NDUFAF7: variants seen among roughly 807,000 people sequenced by gnomAD.
NDUFAF7 encodes NADH:ubiquinone oxidoreductase complex assembly factor 7, also known as protein arginine methyltransferase NDUFAF7, mitochondrial.
NDUFAF7 carries 48 observed loss-of-function variants against 47.2 expected under a neutral mutation model. The ratio of observed to expected loss-of-function variants is 1.02; its 90% CI spans 0.81 to 1.29. The LOEUF is 1.29. Among genes scored for constraint, NDUFAF7 ranks in the 50% most tolerant of loss-of-function variants. The pLI is 0.00. For synonymous variants in NDUFAF7, 217 were observed against 190.0 expected (o/e 1.14, Z -1.17); for missense variants, 635 against 537.6 (o/e 1.18, Z -1.79).
intron 3 of NDUFAF7, among the ~76,000 whole-genome samples, chr2:37,236,606 C>G (rs1296889983): frequency 6.6e-6 from 1 of 151,726 alleles, no homozygotes; most frequent in Non-Finnish European, 1.5e-5. Flanking sequence ...GAAACGCAGT[C>G]TCTACTAAAA....
chr2:37,236,053 T>A (rs1044983474), intron 2 of NDUFAF7, 43 bp from the exon 3 acceptor site: 19 of 1,486,776 alleles, frequency 1.3e-5, no homozygotes, highest in Non-Finnish European at 1.7e-5. Context: ...AAAAGGCTTA[T>A]TTGAAAATTA....
intron 8 of NDUFAF7, among the ~76,000 whole-genome samples, chr2:37,247,121 T>C (rs982532185): frequency 5.7e-5 from 8 of 140,394 alleles, no homozygotes; most frequent in Non-Finnish European, 7.4e-5. Flanking sequence ...TGTTTAGCTC[T>C]AAGTGAGATG....
intron 7 of NDUFAF7, among the ~76,000 whole-genome samples, chr2:37,245,510 A>C (rs1375866674): frequency 6.6e-6 from 1 of 152,204 alleles, no homozygotes; most frequent in Admixed American, 6.5e-5. Flanking sequence ...GCACTAGTTT[A>C]TAAGCCAGCG....
At chr2:37,242,430 T>A (rs1205504093) in intron 5 of NDUFAF7, 1 of 454,956 alleles carries the variant, frequency 2.2e-6, no homozygotes, top group Non-Finnish European at 4.0e-6. Context: ...TTCAGGTATT[T>A]CCATTTTCTG....
rs753133180 is a variant in NDUFAF7 at position 37,248,397 on chromosome 2, A to G, written c.*47A>G. The stretch of plus-strand genomic sequence containing the variant: ...CCCTTCAGTCGGCCCAAGAAATCAA[A>G]ATAAAGGAAACACATTTCATATACT... On this transcript the variant is annotated 3_prime_UTR_variant, in exon 10 of 10. Coordinates refer to ENST00000002125, the MANE Select transcript of NDUFAF7 (RefSeq NM_144736.5). 1.3e-6 allele frequency: 2 copies of G among 1,545,928 alleles called. No homozygotes were observed. Among genetic ancestry groups the G allele is most frequent in the Admixed American group, 1.7e-5 (1 of 59,892 alleles).
intron 1 of NDUFAF7, 44 bp downstream of exon 1, chr2:37,231,804 G>T (rs781185294): frequency 1.2e-6 from 2 of 1,612,832 alleles, no homozygotes; most frequent in Non-Finnish European, 1.7e-6. Context: ...TGGAAGCCGC[G>T]TGGGGCGCCT....
chr2:37,266,253 C>T, the NDUFAF7 span, among the ~76,000 whole-genome samples: 1 of 152,172 alleles, frequency 6.6e-6, no homozygotes, highest in Non-Finnish European at 1.5e-5. Context: ...TTACCTTCTT[C>T]AAGGAAACTC....
downstream of NDUFAF7, chr2:37,253,086 C>G (rs553375427): frequency 7.8e-7 from 1 of 1,286,032 alleles, no homozygotes; most frequent in African/African-American, 1.5e-5. Flanking sequence ...ATCTTTGCAG[C>G]ACTGCAGATG....
At chr2:37,256,578 A>AGAC (rs2148481042), downstream of NDUFAF7, 1 of 1,395,160 alleles carries the variant, frequency 7.2e-7, no homozygotes, top group East Asian at 2.5e-5. Context: ...TGCAAGAGAC[A>AGAC]GACTGATTTG....
the NDUFAF7 span, among the ~76,000 whole-genome samples, chr2:37,270,576 C>G: frequency 6.6e-6 from 1 of 152,156 alleles, no homozygotes; most frequent in South Asian, 2.1e-4. Flanking sequence ...ACTGTCAAAA[C>G]TGCATTACAG....
chr2:37,242,987 C>T (rs1666509714), intron 6 of NDUFAF7, among the ~76,000 whole-genome samples: 1 of 149,530 alleles, frequency 6.7e-6, no homozygotes, highest in East Asian at 1.9e-4. Flanking sequence ...TTTACTTAAG[C>T]AAAAAAAAAA....
chr2:37,239,961 C>G (rs13429526), intron 4 of NDUFAF7, among the ~76,000 whole-genome samples: 17,025 of 152,124 alleles, frequency 0.11, 1,350 homozygotes, highest in East Asian at 0.34. Flanking sequence ...GATATTCTCT[C>G]TTGTATCATT....
At chr2:37,243,014 A>G (rs1042747925) in intron 6 of NDUFAF7, among the ~76,000 whole-genome samples, 19 of 152,310 alleles carry the variant, frequency 1.2e-4, no homozygotes, top group Admixed American at 5.9e-4. Context: ...TTTTTAAGAG[A>G]TAGGGTATTG....
intron 4 of NDUFAF7, among the ~76,000 whole-genome samples, chr2:37,239,554 CAAG>C (rs1160501630): frequency 6.6e-6 from 1 of 152,136 alleles, no homozygotes. Flanking sequence ...GAGACACATA[CAAG>C]AAGATAGCAG....
chr2:37,265,084 A>G, the NDUFAF7 span, among the ~76,000 whole-genome samples: 1 of 152,198 alleles, frequency 6.6e-6, no homozygotes, highest in Non-Finnish European at 1.5e-5. Context: ...GCCTCTAGGG[A>G]TGCAGGTAAA....
the NDUFAF7 span, chr2:37,269,580 A>G: frequency 6.4e-7 from 1 of 1,555,462 alleles, no homozygotes. Context: ...TTTTAAAATA[A>G]TGTGTACAAT....
At chr2:37,264,657 A>T in the NDUFAF7 span, among the ~76,000 whole-genome samples, 1 of 152,140 alleles carries the variant, frequency 6.6e-6, no homozygotes, top group African/African-American at 2.4e-5. Flanking sequence ...CAGGCAGAGG[A>T]AACAGCTAAT....
chr2:37,264,836 G>T, the NDUFAF7 span, among the ~76,000 whole-genome samples: 1 of 152,096 alleles, frequency 6.6e-6, no homozygotes, highest in African/African-American at 2.4e-5. Context: ...AATAATCACA[G>T]GTATCTAAAA....
At chr2:37,240,212 C>A (rs1046595059) in intron 4 of NDUFAF7, among the ~76,000 whole-genome samples, 1 of 152,030 alleles carries the variant, frequency 6.6e-6, no homozygotes, top group Non-Finnish European at 1.5e-5. Context: ...TCCCAAAGTT[C>A]AAGATCAGCT....
Sources: gnomAD v4.1 joint callset for allele counts (sites outside exome capture counted in the v4.1 genomes callset) on GRCh38, gnomAD v4.1.1 for gene constraint, MANE v1.5 for transcripts, NCBI Gene and HGNC (gene_info 2026-07-23, HGNC 2026-07-21) for gene names.